RANBP17: variants seen among roughly 807,000 people sequenced by gnomAD.
The protein encoded by RANBP17 is ran-binding protein 17.
A neutral mutation model predicts 141.2 loss-of-function variants in RANBP17; 158 were observed. The ratio of observed to expected loss-of-function variants is 1.12; its 90% CI spans 0.98 to 1.28. The LOEUF is 1.28. RANBP17 is among the 50% of genes most tolerant of loss of function. RANBP17 has a pLI of 0.00. For missense variants in RANBP17, 1,438 were observed against 1,290.7 expected (o/e 1.11, Z -1.75); for synonymous variants, 430 against 450.0 (o/e 0.96, Z 0.56).
chr5:170,910,989 T>G lies in RANBP17; in HGVS notation c.615T>G (p.Asn205Lys). The G allele has an allele frequency of 6.2e-7, 1 of 1,611,162 alleles. No individual in the cohort carries two copies. Among genetic ancestry groups the G allele is most frequent in the Non-Finnish European group, 8.5e-7 (1 of 1,178,430 alleles). The change falls in exon 7 of 28, where the codon AAT (asparagine) becomes AAG (lysine). Residue 205 changes from asparagine (N) to lysine (K), a missense_variant. Physicochemically the swap from Asn to Lys is moderately conservative, Grantham distance 94. Transcript: ENST00000523189. ...LLKEVFAKPLNLQDQCQQNLV... is the reference protein window; with the variant it reads ...LLKEVFAKPLKLQDQCQQNLV... ...TTCAGGTGTTTGCCAAACCTTTAAATCTTCAGGATCAATGTCAGCAAAATC... is the reference window on the plus strand; with the variant it reads ...TTCAGGTGTTTGCCAAACCTTTAAAGCTTCAGGATCAATGTCAGCAAAATC...
intron 3 of RANBP17, among the ~76,000 whole-genome samples, chr5:170,886,608 A>C (rs1017851048): frequency 1.3e-4 from 18 of 138,498 alleles, no homozygotes; most frequent in African/African-American, 5.0e-4. Context: ...ATACCTTCTT[A>C]TTTTTAAAAA....
At chr5:171,185,081 T>C (rs761207189) in intron 18 of RANBP17, among the ~76,000 whole-genome samples, 1 of 152,180 alleles carries the variant, frequency 6.6e-6, no homozygotes, top group Non-Finnish European at 1.5e-5. Flanking sequence ...GAGAATTGCT[T>C]GAACCCAGGA....
At chr5:170,994,155 A>AGAAATT (rs1399977752) in intron 14 of RANBP17, among the ~76,000 whole-genome samples, 1 of 152,020 alleles carries the variant, frequency 6.6e-6, no homozygotes, top group Non-Finnish European at 1.5e-5. Flanking sequence ...CCCACTCCAT[A>AGAAATT]GAAATTGATG....
chr5:170,897,307 C>T (rs528383187), intron 5 of RANBP17: 3 of 611,444 alleles, frequency 4.9e-6, no homozygotes, highest in South Asian at 2.8e-5. Context: ...TAATACATTC[C>T]GTGGGAGGAG....
chr5:171,026,827 G>A (rs527383343), intron 14 of RANBP17, among the ~76,000 whole-genome samples: 1 of 152,188 alleles, frequency 6.6e-6, no homozygotes, highest in Non-Finnish European at 1.5e-5. Context: ...CTGTACTTTA[G>A]GACAGGGATC....
rs566488516 is a variant in RANBP17 at position 171,265,681 on chromosome 5, A to G, written c.2777A>G (p.Asp926Gly). ...TSISEGLTTL[D>G]TVVSSSCCTS... is the part of the protein sequence containing the mutation. ...GAATTCTTATTTACTATTTGTACAG[A>G]TACAGTTGTCTCCTCCAGCTGCTGT... The change falls in exon 25 of 28, where the codon GAT becomes GGT. Residue 926 changes from aspartate (D) to glycine (G), a missense_variant and splice_region_variant. Transcript: ENST00000523189. 3.7e-6 allele frequency: 6 copies of G among 1,610,314 alleles called. No individual in the cohort carries two copies. The Admixed American group carries it at 6.8e-5, about 18-fold the overall frequency.
intron 14 of RANBP17, among the ~76,000 whole-genome samples, chr5:171,137,919 A>C (rs1757424850): frequency 6.8e-6 from 1 of 147,268 alleles, no homozygotes; most frequent in African/African-American, 2.5e-5. Flanking sequence ...ATATATATCT[A>C]CTCTATATCT....
intron 14 of RANBP17, among the ~76,000 whole-genome samples, chr5:171,140,015 A>T (rs1305080885): frequency 6.6e-6 from 1 of 152,094 alleles, no homozygotes; most frequent in African/African-American, 2.4e-5. Context: ...AGGACTTTAC[A>T]TACATCACTT....
At chr5:170,942,058 A>T (rs926726167) in intron 12 of RANBP17, among the ~76,000 whole-genome samples, 5 of 152,164 alleles carry the variant, frequency 3.3e-5, no homozygotes, top group Non-Finnish European at 7.4e-5. Flanking sequence ...TCAGATCAGC[A>T]GCGGCATTAG....
At chr5:171,188,802 C>T (rs944640971) in intron 18 of RANBP17, among the ~76,000 whole-genome samples, 15 of 152,184 alleles carry the variant, frequency 9.9e-5, no homozygotes, top group Non-Finnish European at 2.9e-5. Context: ...ACAGCCCCAA[C>T]TCTGTATTCT....
intron 12 of RANBP17, among the ~76,000 whole-genome samples, chr5:170,951,904 CAG>C (rs150150363): frequency 6.7e-4 from 102 of 151,958 alleles, no homozygotes; most frequent in Middle Eastern, 3.4e-3. Context: ...TTTCAAAAAA[CAG>C]GGGGAAATAA....
chr5:170,930,400 T>C (rs1773262671), intron 12 of RANBP17, among the ~76,000 whole-genome samples: 1 of 151,252 alleles, frequency 6.6e-6, no homozygotes, highest in Admixed American at 6.6e-5. Flanking sequence ...TTTATTATTT[T>C]TTATTTTATT....
At chr5:170,965,908 T>C (rs1776524255) in intron 13 of RANBP17, among the ~76,000 whole-genome samples, 2 of 152,136 alleles carry the variant, frequency 1.3e-5, no homozygotes, top group African/African-American at 2.4e-5. Context: ...ATATGAACTT[T>C]AAAGTAGTTT....
chr5:171,038,021 C>T (rs906614967), intron 14 of RANBP17, among the ~76,000 whole-genome samples: 1 of 151,994 alleles, frequency 6.6e-6, no homozygotes, highest in Non-Finnish European at 1.5e-5. Flanking sequence ...ACAGTGTGGC[C>T]ATTTTAACAA....
chr5:171,033,560 A>G (rs1246971225), intron 14 of RANBP17, among the ~76,000 whole-genome samples: 1 of 152,056 alleles, frequency 6.6e-6, no homozygotes, highest in East Asian at 1.9e-4. Flanking sequence ...TTTATATGTA[A>G]AGTGTTTTAT....
intron 13 of RANBP17, among the ~76,000 whole-genome samples, chr5:170,955,250 G>A (rs1388003590): frequency 1.3e-5 from 2 of 151,964 alleles, no homozygotes; most frequent in African/African-American, 2.4e-5. Flanking sequence ...CTGCCAGATA[G>A]TAGGGTTCAT....
At chr5:171,136,291 A>G (rs963736723) in intron 14 of RANBP17, among the ~76,000 whole-genome samples, 3 of 152,160 alleles carry the variant, frequency 2.0e-5, no homozygotes, top group African/African-American at 7.2e-5. Flanking sequence ...TATTTTCTCC[A>G]TTTCAAGATA....
intron 18 of RANBP17, among the ~76,000 whole-genome samples, chr5:171,184,281 C>T (rs568940665): frequency 6.6e-4 from 101 of 152,284 alleles, no homozygotes; most frequent in Admixed American, 3.4e-3. Context: ...TATATATACA[C>T]AGTGGGATAC....
intron 14 of RANBP17, among the ~76,000 whole-genome samples, chr5:171,033,019 G>A (rs965980701): frequency 1.5e-4 from 23 of 152,042 alleles, no homozygotes; most frequent in Admixed American, 1.4e-3. Flanking sequence ...ATGAATCATA[G>A]CCTTTTAATA....
Sources: allele counts gnomAD v4.1 joint callset (sites outside exome capture counted in the v4.1 genomes callset), GRCh38; gene constraint gnomAD v4.1.1; transcripts MANE v1.5; gene names NCBI Gene and HGNC (gene_info 2026-07-23, HGNC 2026-07-21).